The following ZPBP variants were observed in gnomAD, a reference collection of about 807,000 sequenced individuals.
The protein encoded by ZPBP is zona pellucida-binding protein 1.
ZPBP carries 26 observed loss-of-function variants against 44.8 expected under a neutral mutation model. The ratio of observed to expected loss-of-function variants is 0.58; its 90% CI spans 0.43 to 0.81. The LOEUF (loss-of-function observed/expected upper bound fraction) is 0.81. Ranked by LOEUF, ZPBP falls within the 30% of genes least tolerant of loss-of-function variation. The pLI is 0.00. For missense variants in ZPBP, 409 were observed against 434.0 expected (o/e 0.94, Z 0.51); for synonymous variants, 174 against 153.2 (o/e 1.14, Z -1.00).
intron 7 of ZPBP, among the ~76,000 whole-genome samples, chr7:49,957,322 A>G (rs17551525): frequency 0.039 from 5,890 of 152,336 alleles, 146 homozygotes; most frequent in Non-Finnish European, 0.058. Context: ...TTGCTAAAAC[A>G]GTCCTCTCAT....
At chr7:50,001,235 T>C (rs1798082461) in intron 6 of ZPBP, among the ~76,000 whole-genome samples, 3 of 152,178 alleles carry the variant, frequency 2.0e-5, no homozygotes, top group African/African-American at 7.2e-5. Context: ...ATGAAACTTC[T>C]GGGAAGTTCT....
intron 7 of ZPBP, among the ~76,000 whole-genome samples, chr7:49,951,200 T>C (rs1248551566): frequency 6.6e-6 from 1 of 151,680 alleles, no homozygotes; most frequent in Non-Finnish European, 1.5e-5. Context: ...GCATAAGCAA[T>C]AAAAAATAAA....
intron 6 of ZPBP, among the ~76,000 whole-genome samples, chr7:50,002,876 G>A (rs748871857): frequency 1.1e-4 from 16 of 152,054 alleles, no homozygotes; most frequent in Non-Finnish European, 1.2e-4. Context: ...ACCCAACAAG[G>A]TAAAAATCAC....
At chr7:49,976,769 T>G (rs942572879) in intron 7 of ZPBP, among the ~76,000 whole-genome samples, 5 of 152,088 alleles carry the variant, frequency 3.3e-5, no homozygotes, top group Non-Finnish European at 7.4e-5. Flanking sequence ...ACAGTTTCAC[T>G]CAAGTAAGTT....
At chr7:49,904,265 T>C (rs1169029372) in intron 1 of ZPBP, among the ~76,000 whole-genome samples, 3 of 152,166 alleles carry the variant, frequency 2.0e-5, no homozygotes, top group African/African-American at 7.2e-5. Flanking sequence ...AGGACTCCCA[T>C]ACCCTCACTA....
chr7:49,850,907 A>G (rs1790150770), intron 2 of ZPBP, among the ~76,000 whole-genome samples: 1 of 152,230 alleles, frequency 6.6e-6, no homozygotes, highest in Admixed American at 6.5e-5. Flanking sequence ...AGGCTGTGTG[A>G]AGTGATTGTG....
intron 7 of ZPBP, among the ~76,000 whole-genome samples, chr7:49,959,291 GAAAT>G (rs1795748512): frequency 6.9e-6 from 1 of 144,586 alleles, no homozygotes; most frequent in East Asian, 2.0e-4. Flanking sequence ...ACAAACATCA[GAAAT>G]AAAGAATTAA....
chr7:50,041,511 C>A (rs1800094903), intron 4 of ZPBP, among the ~76,000 whole-genome samples: 1 of 152,298 alleles, frequency 6.6e-6, no homozygotes, highest in East Asian at 1.9e-4. Context: ...GATACCTAGG[C>A]AAAGAAGGTC....
rs1029253134 is a variant in ZPBP at position 50,058,012 on chromosome 7, A to C, written c.464T>G (p.Leu155Arg). 1 of 1,611,864 alleles carries C rather than the reference A, an allele frequency of 6.2e-7. No individual in the cohort carries two copies. The highest frequency in any genetic ancestry group is 1.7e-5 in the Admixed American group (1 of 59,958). Reference protein sequence around the residue: ...KPTVEEIVKRLQLKYAIYAYR... With the variant: ...KPTVEEIVKRRQLKYAIYAYR... ...ACCATATATAGCATATTTTAGTTGA[A>C]GACGTTTAACAATTTCTTCCACAGT... The change falls in exon 4 of 8, where the codon CTT becomes CGT. Residue 155 changes from leucine (L) to arginine (R), a missense_variant. Coordinates refer to ENST00000046087, the MANE Select transcript of ZPBP (RefSeq NM_007009.3).
At chr7:49,858,561 G>T (rs1053892387) in intron 2 of ZPBP, among the ~76,000 whole-genome samples, 3 of 137,288 alleles carry the variant, frequency 2.2e-5, no homozygotes, top group African/African-American at 5.4e-5. Flanking sequence ...GTTGTGGGGT[G>T]GGGGAGGGGG....
rs1338313296 is a variant in ZPBP at position 49,903,895 on chromosome 7, C to T, written n.412-2680G>A. On this transcript the variant is annotated intron_variant and non_coding_transcript_variant, in intron 1 of 2. Transcript: ENST00000465922. ...AGGAAAGACTGGCTGGTGGCAGATGCGCTGGATTTTATATTCCGCCTTGAG... is the reference window on the plus strand; with the variant it reads ...AGGAAAGACTGGCTGGTGGCAGATGTGCTGGATTTTATATTCCGCCTTGAG... 2.6e-5 allele frequency among the ~76,000 whole-genome samples: 4 copies of T among 152,136 alleles called. No individual in the cohort carries two copies. The East Asian group carries it at 5.8e-4, about 22-fold the overall frequency.
intron 5 of ZPBP, among the ~76,000 whole-genome samples, chr7:50,026,461 A>G (rs1372663589): frequency 1.3e-5 from 2 of 151,950 alleles, no homozygotes; most frequent in African/African-American, 4.8e-5. Context: ...ACCCAACAAC[A>G]GGAGAATACA....
intron 1 of ZPBP, among the ~76,000 whole-genome samples, chr7:50,090,653 A>G (rs1242777867): frequency 9.9e-5 from 15 of 151,882 alleles, no homozygotes; most frequent in South Asian, 2.1e-4. Context: ...ACATGCACAC[A>G]CACACACACA....
At chr7:50,073,287 C>T (rs1476580259) in intron 3 of ZPBP, among the ~76,000 whole-genome samples, 2 of 151,812 alleles carry the variant, frequency 1.3e-5, no homozygotes, top group East Asian at 3.9e-4. Flanking sequence ...AGTCCTTTAA[C>T]AGCAGAATGA....
At chr7:49,966,971 G>C (rs1055729783) in intron 7 of ZPBP, among the ~76,000 whole-genome samples, 1 of 151,990 alleles carries the variant, frequency 6.6e-6, no homozygotes, top group Admixed American at 6.6e-5. Context: ...AAATGAAAGA[G>C]GACTGATAGA....
chr7:49,991,899 G>A (rs1031917243), intron 6 of ZPBP, among the ~76,000 whole-genome samples: 1 of 151,794 alleles, frequency 6.6e-6, no homozygotes, highest in Non-Finnish European at 1.5e-5. Context: ...AGAGAGGGTG[G>A]GAGAAAGGGA....
At chr7:49,840,979 G>A in the ZPBP span, among the ~76,000 whole-genome samples, 1 of 152,194 alleles carries the variant, frequency 6.6e-6, no homozygotes, top group Non-Finnish European at 1.5e-5. Flanking sequence ...GATGGTGTCA[G>A]GAGAAGAGCT....
At chr7:50,057,572 C>A (rs554048836) in intron 4 of ZPBP, among the ~76,000 whole-genome samples, 32 of 152,166 alleles carry the variant, frequency 2.1e-4, no homozygotes, top group Non-Finnish European at 4.0e-4. Context: ...CAATTGTAAG[C>A]CTCAAAAGGT....
At chr7:50,052,327 G>A (rs900886660) in intron 4 of ZPBP, among the ~76,000 whole-genome samples, 3 of 152,006 alleles carry the variant, frequency 2.0e-5, no homozygotes, top group Non-Finnish European at 4.4e-5. Flanking sequence ...ATGTACAGAT[G>A]GCAAATAAAC....
Sources: allele counts gnomAD v4.1 joint callset (sites outside exome capture counted in the v4.1 genomes callset), GRCh38; gene constraint gnomAD v4.1.1; transcripts MANE v1.5; gene names NCBI Gene and HGNC (gene_info 2026-07-23, HGNC 2026-07-21).